VANGL1: variants seen among roughly 807,000 people sequenced by gnomAD.
VANGL1 encodes VANGL planar cell polarity protein 1, also known as vang-like protein 1.
VANGL1 carries 18 observed loss-of-function variants against 48.4 expected under a neutral mutation model. The observed-to-expected ratio is 0.37, with a 90% CI of 0.26 to 0.55. The LOEUF (loss-of-function observed/expected upper bound fraction) is 0.55. VANGL1 is among the 20% of genes least tolerant of loss of function. VANGL1 has a pLI of 0.81. For synonymous variants in VANGL1, 257 were observed against 261.8 expected (o/e 0.98, Z 0.18); for missense variants, 667 against 675.8 (o/e 0.99, Z 0.14).
Position 115,685,414 on chromosome 1 carries a change from A to C in VANGL1, c.1201A>C (p.Met401Leu), listed in dbSNP as rs1198149468. The change falls in exon 7 of 8, where the codon ATG becomes CTG. Residue 401 changes from methionine (M) to leucine (L), a missense_variant. By Grantham distance (15) the Met-to-Leu change is conservative (BLOSUM62 2). Coordinates refer to ENST00000355485, the MANE Select transcript of VANGL1 (RefSeq NM_138959.3). Reference sequence around the variant, plus strand: ...GGCCGCCCAGGCCATTTTCCCCTCCATGGCCAGGGCTCTCCAGAAGTACCT... The same window carrying C: ...GGCCGCCCAGGCCATTTTCCCCTCCCTGGCCAGGGCTCTCCAGAAGTACCT... ...REAAQAIFPS[M>L]ARALQKYLRI... The C allele has an allele frequency of 8.7e-6, 14 of 1,614,126 alleles. No homozygotes were observed. Among genetic ancestry groups the C allele is most frequent in the Non-Finnish European group, 1.2e-5 (14 of 1,180,000 alleles).
chr1:115,679,914 C>G (rs1412595259), intron 4 of VANGL1, among the ~76,000 whole-genome samples: 1 of 151,004 alleles, frequency 6.6e-6, no homozygotes, highest in African/African-American at 2.4e-5. Context: ...GTGGAGGGAG[C>G]CTCAGAAAGC....
chr1:115,658,106 A>G (rs556851766), intron 2 of VANGL1, among the ~76,000 whole-genome samples: 16 of 152,316 alleles, frequency 1.1e-4, no homozygotes, highest in African/African-American at 3.6e-4. Flanking sequence ...TGTATCAGCA[A>G]TAGAGTGTGA....
chr1:115,691,024 A>AT, intron 7 of VANGL1, 95 bp from the exon 8 acceptor site: 1 of 1,572,366 alleles, frequency 6.4e-7, no homozygotes, highest in Non-Finnish European at 8.7e-7. Flanking sequence ...ATTTGGAAAA[A>AT]GTTCTTTATA....
intron 4 of VANGL1, among the ~76,000 whole-genome samples, chr1:115,675,110 G>A (rs947155166): frequency 1.3e-5 from 2 of 152,166 alleles, no homozygotes; most frequent in African/African-American, 4.8e-5. Context: ...ACAAGGCATT[G>A]GGTGAACCAG....
intron 4 of VANGL1, among the ~76,000 whole-genome samples, chr1:115,676,147 T>C (rs1375255530): frequency 1.3e-5 from 2 of 152,178 alleles, no homozygotes; most frequent in Non-Finnish European, 2.9e-5. Flanking sequence ...GTGTTATCTC[T>C]TTATCAAAAG....
At chr1:115,687,333 T>C (rs1653670786) in intron 7 of VANGL1, among the ~76,000 whole-genome samples, 1 of 138,476 alleles carries the variant, frequency 7.2e-6, no homozygotes, top group African/African-American at 2.7e-5. Context: ...TTACAAGAAA[T>C]AGAATGCAGA....
intron 4 of VANGL1, among the ~76,000 whole-genome samples, chr1:115,681,503 GTTTTTTTTGTTT>G (rs1219979072): frequency 8.7e-6 from 1 of 114,880 alleles, no homozygotes; most frequent in African/African-American, 3.2e-5. Flanking sequence ...TTTTTTTGTT[GTTTTTTTTGTTT>G]TTTTTTTTGA....
rs886045146 is a variant in VANGL1 at position 115,696,792 on chromosome 1, A to C, written c.*5413A>C. On this transcript the variant is annotated 3_prime_UTR_variant, in exon 8 of 8. Coordinates refer to ENST00000355485, the MANE Select transcript of VANGL1 (RefSeq NM_138959.3). ...GCAGCACTGTGAAAAGTTTCTTTCAATATGGCACCAAGACTCTACCATTTA... is the reference window on the plus strand; with the variant it reads ...GCAGCACTGTGAAAAGTTTCTTTCACTATGGCACCAAGACTCTACCATTTA... The C allele has an allele frequency of 2.0e-5, 3 of 152,150 alleles. No homozygotes were observed. Among genetic ancestry groups the C allele is most frequent in the Admixed American group, 1.3e-4 (2 of 15,276 alleles). The allele number at this position is 152,150 out of a possible 1,614,324, so 9.4% of individuals were successfully genotyped here.
At chr1:115,660,201 T>C (rs1376288575) in intron 3 of VANGL1, among the ~76,000 whole-genome samples, 1 of 152,140 alleles carries the variant, frequency 6.6e-6, no homozygotes, top group Non-Finnish European at 1.5e-5. Context: ...AGATGCCTGG[T>C]AGAGAAACGT....
chr1:115,679,841 G>T (rs2101024297), intron 4 of VANGL1, among the ~76,000 whole-genome samples: 1 of 151,948 alleles, frequency 6.6e-6, no homozygotes, highest in African/African-American at 2.4e-5. Flanking sequence ...CAGTGGAGGA[G>T]GGGGGATGAA....
At chr1:115,667,041 G>A (rs1480713789) in intron 4 of VANGL1, among the ~76,000 whole-genome samples, 4 of 152,134 alleles carry the variant, frequency 2.6e-5, no homozygotes, top group Non-Finnish European at 5.9e-5. Flanking sequence ...AAGAGGGAGC[G>A]GGAATAGACA....
At chr1:115,684,234 GT>G (rs1241756441) in intron 6 of VANGL1, among the ~76,000 whole-genome samples, 158 bp downstream of exon 6, 1 of 152,014 alleles carries the variant, frequency 6.6e-6, no homozygotes, top group Non-Finnish European at 1.5e-5. Context: ...TGCCTCCCAG[GT>G]TCCAGTGATT....
chr1:115,677,958 C>T (rs970421631), intron 4 of VANGL1, among the ~76,000 whole-genome samples: 16 of 152,168 alleles, frequency 1.1e-4, no homozygotes, highest in African/African-American at 3.4e-4. Context: ...ATCTCTGGGG[C>T]CCTTTTTGCC....
At chr1:115,681,043 G>T (rs1291145693) in intron 4 of VANGL1, among the ~76,000 whole-genome samples, 1 of 152,178 alleles carries the variant, frequency 6.6e-6, no homozygotes, top group African/African-American at 2.4e-5. Context: ...AGCCCAACTT[G>T]GAGGTTTGTA....
chr1:115,678,672 A>C (rs976362678), intron 4 of VANGL1, among the ~76,000 whole-genome samples: 2 of 152,198 alleles, frequency 1.3e-5, no homozygotes, highest in African/African-American at 4.8e-5. Flanking sequence ...ACGATGAAGA[A>C]AGGCCAGGCA....
chr1:115,693,426 C>CCTAT lies in VANGL1; in HGVS notation c.*2050_*2053dup, dbSNP rs1279829274. ...CATTCTAAAATACTGTTCTTCCAAC[C>CCTAT]CTATCTTCAATGACCAGTCCAGAAG... On this transcript the variant is annotated 3_prime_UTR_variant, in exon 8 of 8. Transcript: ENST00000355485. 6.6e-6 allele frequency: 1 copy of CCTAT among 152,596 alleles called. No homozygotes were observed. Among genetic ancestry groups the CCTAT allele is most frequent in the Non-Finnish European group, 1.5e-5 (1 of 68,048 alleles). The allele number at this position is 152,596 out of a possible 1,614,324, so 9.5% of individuals were successfully genotyped here. A position where few individuals can be genotyped will look rare whatever the true frequency, so the allele number is the denominator to read the frequency against.
At chr1:115,670,217 T>C (rs1652929010) in intron 4 of VANGL1, among the ~76,000 whole-genome samples, 1 of 152,196 alleles carries the variant, frequency 6.6e-6, no homozygotes, top group Non-Finnish European at 1.5e-5. Flanking sequence ...AGAACGTTGA[T>C]CTTGGACCCC....
At position 115,683,903 on chromosome 1, in the gene VANGL1, C is replaced by T. The variant is rs758623568; in HGVS notation, c.947-41C>T. ...AGTTTTCTGCTCTGTTTCCCACCCT[C>T]GTGGTATTAACACTATTCTTTCACT... On this transcript the variant is annotated intron_variant, in intron 5 of 7. Transcript: ENST00000355485. The T allele has an allele frequency of 8.7e-6, 14 of 1,608,386 alleles. No homozygotes were observed. The East Asian group carries it at 1.6e-4, about 18-fold the overall frequency.
intron 4 of VANGL1, 90 bp downstream of exon 4, chr1:115,664,358 G>A: frequency 6.5e-7 from 1 of 1,531,984 alleles, no homozygotes; most frequent in Non-Finnish European, 8.7e-7. Flanking sequence ...GGTGACAGAT[G>A]CCAAGAGCTA....
Sources: allele counts gnomAD v4.1 joint callset (sites outside exome capture counted in the v4.1 genomes callset), GRCh38; gene constraint gnomAD v4.1.1; transcripts MANE v1.5; gene names NCBI Gene and HGNC (gene_info 2026-07-23, HGNC 2026-07-21).